Variants in MROH2B observed in about 807,000 individuals in gnomAD.
The protein encoded by MROH2B is maestro heat like repeat family member 2B.
A neutral mutation model predicts 208.6 loss-of-function variants in MROH2B; 177 were observed. The observed-to-expected ratio is 0.85, with a 90% CI of 0.75 to 0.96. MROH2B has a LOEUF of 0.96. Among genes scored for constraint, MROH2B ranks in the 40% least tolerant of loss-of-function variants. The probability of loss-of-function intolerance (pLI) is 0.00; values close to 1 mark genes in which losing one functional copy is unlikely to be tolerated. For synonymous variants in MROH2B, 728 were observed against 659.0 expected, an observed-to-expected ratio of 1.10 and a Z score of -1.60; for missense variants, 2,002 against 1,878.7, an observed-to-expected ratio of 1.07 and a Z score of -1.21.
Position 41,058,199 on chromosome 5 carries a change from A to C in MROH2B, c.620T>G (p.Leu207Trp). Residue 207 changes from leucine to tryptophan, a missense_variant, in exon 7 of 42, where the codon TTG (leucine) becomes TGG (tryptophan). Transcript: ENST00000399564. ...WAPLASPMQTLSIVKAHGPTV... is the reference protein window; with the variant it reads ...WAPLASPMQTWSIVKAHGPTV... ...GGGCCCGTGGGCCTTAACGATGCTC[A>C]AAGTCTGTACAGGCAGCAAACAAAT... 6.4e-7 allele frequency: 1 copy of C among 1,570,306 alleles called. No individual in the cohort carries two copies. Among genetic ancestry groups the C allele is most frequent in the Non-Finnish European group, 8.6e-7 (1 of 1,157,314 alleles).
chr5:41,045,909 G>T, intron 17 of MROH2B, 56 bp from the exon 18 acceptor site: 2 of 1,264,516 alleles, frequency 1.6e-6, no homozygotes, highest in Non-Finnish European at 2.2e-6. Flanking sequence ...TGCTTTCTTG[G>T]CATATTTTTG....
At chr5:41,060,034 C>G (rs984867237) in intron 6 of MROH2B, among the ~76,000 whole-genome samples, 1 of 152,154 alleles carries the variant, frequency 6.6e-6, no homozygotes, top group African/African-American at 2.4e-5. Flanking sequence ...TTTGTACTGT[C>G]CCACATTTGT....
chr5:41,061,520 C>G (rs1743636891), intron 6 of MROH2B, 50 bp downstream of exon 6: 1 of 1,411,358 alleles, frequency 7.1e-7, no homozygotes, highest in Non-Finnish European at 9.4e-7. Context: ...AGAGAAATTT[C>G]AACCAGCATA....
intron 37 of MROH2B, among the ~76,000 whole-genome samples, chr5:41,003,119 C>G (rs991773713): frequency 1.3e-5 from 2 of 152,032 alleles, no homozygotes; most frequent in East Asian, 3.9e-4. Flanking sequence ...CACCGCCACA[C>G]CCAGCTAATT....
chr5:41,062,432 C>T (rs1743670536), intron 5 of MROH2B, among the ~76,000 whole-genome samples: 1 of 152,116 alleles, frequency 6.6e-6, no homozygotes, highest in Admixed American at 6.5e-5. Flanking sequence ...GCCACATGGG[C>T]AACTTCACTT....
chr5:41,027,582 C>G (rs1224779656), intron 24 of MROH2B, among the ~76,000 whole-genome samples: 1 of 152,198 alleles, frequency 6.6e-6, no homozygotes, highest in Non-Finnish European at 1.5e-5. Context: ...CACTTTTACA[C>G]TGTTGGTGGG....
At chr5:41,027,876 A>G (rs1249812707) in intron 24 of MROH2B, among the ~76,000 whole-genome samples, 1 of 152,188 alleles carries the variant, frequency 6.6e-6, no homozygotes, top group Non-Finnish European at 1.5e-5. Context: ...TGATGAGTTC[A>G]TGTCCTTTGT....
chr5:41,043,705 C>G (rs966726100), intron 18 of MROH2B, among the ~76,000 whole-genome samples: 1 of 152,168 alleles, frequency 6.6e-6, no homozygotes, highest in African/African-American at 2.4e-5. Context: ...TGTCTCCTTA[C>G]TATGGGGTGT....
At chr5:41,070,602 C>CT (rs1346237639) in intron 1 of MROH2B, among the ~76,000 whole-genome samples, 2 of 152,152 alleles carry the variant, frequency 1.3e-5, no homozygotes, top group Admixed American at 6.6e-5. Flanking sequence ...CAGGTAGACT[C>CT]TAAATTTTAA....
At chr5:41,034,951 C>T (rs1296699069) in intron 21 of MROH2B, among the ~76,000 whole-genome samples, 5 of 151,970 alleles carry the variant, frequency 3.3e-5, no homozygotes, top group African/African-American at 9.7e-5. Context: ...TCAGAGATGA[C>T]ACAAATAAAT....
At chr5:41,027,137 T>C (rs1057076198) in intron 24 of MROH2B, among the ~76,000 whole-genome samples, 27 of 152,208 alleles carry the variant, frequency 1.8e-4, no homozygotes, top group African/African-American at 6.5e-4. Flanking sequence ...GGCAAGGACT[T>C]CATGTCTAAA....
intron 24 of MROH2B, among the ~76,000 whole-genome samples, chr5:41,019,538 C>T (rs1420906428): frequency 6.6e-6 from 1 of 152,136 alleles, no homozygotes; most frequent in South Asian, 2.1e-4. Context: ...TTCCTTTCTG[C>T]CTTTCTTTCA....
rs1259557388 is a variant in MROH2B, at chr5:41,008,516, C to G, written c.3608+90G>C. The stretch of plus-strand genomic sequence containing the variant: ...TCTTCATGGACAATGGATGCTATGA[C>G]AGAAAGCACAGACCCTGACTTCTGC... On this transcript the variant is annotated intron_variant, in intron 33 of 41. Transcript: ENST00000399564. 4 of 1,442,156 alleles carry G rather than the reference C, an allele frequency of 2.8e-6. No homozygotes were observed. In the African/African-American group the frequency reaches 4.2e-5, roughly 15 times the overall value. The allele number at this position is 1,442,156 out of a possible 1,614,324, so 89.3% of individuals were successfully genotyped here.
At chr5:41,004,167 C>A (rs73090305) in intron 37 of MROH2B, among the ~76,000 whole-genome samples, 179 bp downstream of exon 37, 5,740 of 152,266 alleles carry the variant, frequency 0.038, 368 homozygotes, top group African/African-American at 0.13. Flanking sequence ...CATAGAGCAC[C>A]CTCAGGCAGA....
Position 41,017,925 on chromosome 5 carries a change from G to C in MROH2B, c.2809C>G (p.Pro937Ala). 1 of 1,583,702 alleles carries C rather than the reference G, an allele frequency of 6.3e-7. No homozygotes were observed. The highest frequency in any genetic ancestry group is 8.6e-7 in the Non-Finnish European group (1 of 1,163,934). ...GTGGGCAGGGTATCACAGGAGTGAG[G>C]AGCCAGAAGTCCAAGCAGTGAACCA... ...KIGSLLGLLA[P>A]HSCDTLPTIR... Residue 937 changes from proline (P) to alanine (A), a missense_variant, in exon 28 of 42, where the codon CCT (proline) becomes GCT (alanine). Transcript: ENST00000399564.
At chr5:41,055,646 C>T in intron 10 of MROH2B, 96 bp downstream of exon 10, 7 of 815,068 alleles carry the variant, frequency 8.6e-6, no homozygotes, top group Non-Finnish European at 1.4e-5. Flanking sequence ...GTTATATAAG[C>T]ATCCAAAAGA....
Position 41,022,070 on chromosome 5 carries a change from G to A in MROH2B, c.2442-3052C>T, listed in dbSNP as rs191596908. 3.1e-4 allele frequency among the ~76,000 whole-genome samples: 47 copies of A among 152,228 alleles called. 1 individual carries two copies. The East Asian group carries it at 6.6e-3, about 21-fold the overall frequency. On this transcript the variant is annotated intron_variant, in intron 24 of 41. Coordinates refer to ENST00000399564, the MANE Select transcript of MROH2B (RefSeq NM_173489.5). ...GTTATAAGATATACATAGTAGAAGCGGTTCCAAGATGGCCGAATAGGAACA... is the reference window on the plus strand; with the variant it reads ...GTTATAAGATATACATAGTAGAAGCAGTTCCAAGATGGCCGAATAGGAACA...
chr5:41,012,759 C>A, intron 29 of MROH2B, 24 bp from the exon 30 acceptor site: 9 of 1,612,216 alleles, frequency 5.6e-6, no homozygotes, highest in Non-Finnish European at 7.6e-6. Flanking sequence ...CAGAAAGATT[C>A]GTGTAATCAA....
intron 5 of MROH2B, among the ~76,000 whole-genome samples, chr5:41,062,742 A>G (rs1401002997): frequency 6.6e-6 from 1 of 152,172 alleles, no homozygotes; most frequent in Non-Finnish European, 1.5e-5. Context: ...AGAGCCGGCC[A>G]TTTATTGGCT....
Sources: gnomAD v4.1 joint callset for allele counts (sites outside exome capture counted in the v4.1 genomes callset) on GRCh38, gnomAD v4.1.1 for gene constraint, MANE v1.5 for transcripts, NCBI Gene and HGNC (gene_info 2026-07-23, HGNC 2026-07-21) for gene names.